The following ANKRD17 variants were observed in gnomAD, a reference collection of about 807,000 sequenced individuals.
ANKRD17 encodes the protein ankyrin repeat domain 17, also known as ankyrin repeat domain-containing protein 17.
A neutral mutation model predicts 229.7 loss-of-function variants in ANKRD17; 19 were observed. That is an observed-to-expected ratio of 0.08 (90% CI 0.06 to 0.12). ANKRD17 has a LOEUF of 0.12. Ranked by LOEUF, ANKRD17 falls within the 10% of genes least tolerant of loss-of-function variation. The probability of loss-of-function intolerance (pLI) is 1.00; values close to 1 mark genes in which losing one functional copy is unlikely to be tolerated. For synonymous variants in ANKRD17, 1,112 were observed against 1,146.1 expected (o/e 0.97, Z 0.60); for missense variants, 2,176 against 3,176.8 (o/e 0.68, Z 7.57).
At chr4:73,136,000 T>A (rs1302376884) in intron 15 of ANKRD17, among the ~76,000 whole-genome samples, 1 of 152,150 alleles carries the variant, frequency 6.6e-6, no homozygotes, top group Non-Finnish European at 1.5e-5. Context: ...CAAATATGGA[T>A]TACTATTATT....
intron 20 of ANKRD17, 109 bp from the exon 21 acceptor site, chr4:73,120,446 T>G (rs1726565033): frequency 5.0e-6 from 5 of 999,526 alleles, no homozygotes; most frequent in Non-Finnish European, 7.2e-6. Flanking sequence ...GTTACCAAGA[T>G]TCACAACTAA....
chr4:73,081,266 A>T (rs980156046), intron 30 of ANKRD17, among the ~76,000 whole-genome samples: 1 of 152,238 alleles, frequency 6.6e-6, no homozygotes, highest in African/African-American at 2.4e-5. Flanking sequence ...TGCATATACA[A>T]GGTAAGATTA....
intron 6 of ANKRD17, among the ~76,000 whole-genome samples, chr4:73,153,350 T>A (rs1731250756): frequency 2.0e-5 from 3 of 152,204 alleles, no homozygotes; most frequent in Non-Finnish European, 4.4e-5. Context: ...ATTTACTTTC[T>A]TAAAAAGTAA....
chr4:73,133,388 TG>T (rs1445596473), intron 16 of ANKRD17, among the ~76,000 whole-genome samples: 1 of 125,658 alleles, frequency 8.0e-6, no homozygotes, highest in Non-Finnish European at 1.7e-5. Flanking sequence ...GAATGTCTCG[TG>T]TTTTTTTTTT....
At chr4:73,082,194 G>A (rs931314342) in intron 30 of ANKRD17, among the ~76,000 whole-genome samples, 1 of 151,298 alleles carries the variant, frequency 6.6e-6, no homozygotes, top group Non-Finnish European at 1.5e-5. Flanking sequence ...AAGCGTGGTG[G>A]CTCACATCTG....
intron 33 of ANKRD17, 103 bp downstream of exon 33, chr4:73,076,837 T>C: frequency 7.3e-7 from 1 of 1,364,296 alleles, no homozygotes; most frequent in East Asian, 2.4e-5. Flanking sequence ...CAACTGCCCA[T>C]ATTCACCAAA....
In ANKRD17 at chr4:73,078,680, C is replaced by T; in HGVS notation, c.7370G>A (p.Ser2457Asn). 6.2e-7 allele frequency: 1 copy of T among 1,614,228 alleles called. No individual in the cohort carries two copies. Among genetic ancestry groups the T allele is most frequent in the Non-Finnish European group, 8.5e-7 (1 of 1,180,042 alleles). ...AATCCCTTCAAAGGACCAGATGCCA[C>T]TATGTCCTACTGATGTAGACAAATT... ...GSNLSTSVGH[S>N]GIWSFEGIGG... Residue 2457 changes from serine (S) to asparagine (N), a missense_variant, in exon 31 of 34, where the codon AGT (serine) becomes AAT (asparagine). By Grantham distance (46) the Ser-to-Asn change is conservative. Coordinates refer to ENST00000358602, the MANE Select transcript of ANKRD17 (RefSeq NM_032217.5).
intron 18 of ANKRD17, among the ~76,000 whole-genome samples, 156 bp from the exon 19 acceptor site, chr4:73,121,915 G>A (rs1186897377): frequency 6.6e-6 from 1 of 152,118 alleles, no homozygotes. Flanking sequence ...ATGATAGCAG[G>A]AGGTCTTAGA....
intron 16 of ANKRD17, among the ~76,000 whole-genome samples, 185 bp from the exon 17 acceptor site, chr4:73,125,497 G>T (rs1252677901): frequency 6.6e-6 from 1 of 152,050 alleles, no homozygotes; most frequent in Non-Finnish European, 1.5e-5. Flanking sequence ...CACTTTGAGA[G>T]GCCGAGGTGG....
intron 1 of ANKRD17, among the ~76,000 whole-genome samples, chr4:73,236,802 A>T (rs1743553896): frequency 6.6e-6 from 1 of 152,102 alleles, no homozygotes; most frequent in South Asian, 2.1e-4. Context: ...CTTTAGAAAA[A>T]CTCTGTTAAA....
At chr4:73,174,715 T>C (rs951549439) in intron 2 of ANKRD17, among the ~76,000 whole-genome samples, 4 of 152,118 alleles carry the variant, frequency 2.6e-5, no homozygotes, top group Admixed American at 2.6e-4. Flanking sequence ...AACTGATAAA[T>C]TCAGCAAAGT....
At chr4:73,082,702 G>A (rs750139458) in intron 30 of ANKRD17, among the ~76,000 whole-genome samples, 3 of 152,140 alleles carry the variant, frequency 2.0e-5, no homozygotes, top group Admixed American at 6.5e-5. Flanking sequence ...CAAACAACTG[G>A]CTTGTAGTCT....
intron 16 of ANKRD17, among the ~76,000 whole-genome samples, chr4:73,129,987 G>A (rs774151395): frequency 5.9e-5 from 9 of 151,712 alleles, no homozygotes; most frequent in Non-Finnish European, 2.9e-5. Flanking sequence ...GGATGGTCTC[G>A]AACTCCTGAC....
intron 2 of ANKRD17, among the ~76,000 whole-genome samples, chr4:73,168,767 C>T (rs572525481): frequency 1.3e-5 from 2 of 152,272 alleles, no homozygotes; most frequent in South Asian, 2.1e-4. Flanking sequence ...TTTAAATGTA[C>T]GTTTTTTGTG....
intron 13 of ANKRD17, 97 bp downstream of exon 13, chr4:73,142,145 A>C: frequency 7.9e-7 from 1 of 1,263,290 alleles, no homozygotes; most frequent in Admixed American, 3.2e-5. Flanking sequence ...ACTACATATT[A>C]GAACAAAAAA....
chr4:73,147,773 A>G (rs1348298998), intron 8 of ANKRD17, among the ~76,000 whole-genome samples: 2 of 152,090 alleles, frequency 1.3e-5, no homozygotes, highest in Non-Finnish European at 2.9e-5. Context: ...GATGATGATG[A>G]TAATAAAAAT....
chr4:73,107,296 AC>A (rs1355753144), intron 24 of ANKRD17, among the ~76,000 whole-genome samples: 1 of 152,256 alleles, frequency 6.6e-6, no homozygotes, highest in African/African-American at 2.4e-5. Context: ...AGTAATATCA[AC>A]AGCAGAAAGA....
intron 22 of ANKRD17, among the ~76,000 whole-genome samples, chr4:73,116,998 T>C (rs375595421): frequency 6.6e-6 from 1 of 152,070 alleles, no homozygotes; most frequent in African/African-American, 2.4e-5. Flanking sequence ...TGGAAAGATA[T>C]ATGCATGTTA....
chr4:73,107,832 T>C (rs532242790), intron 24 of ANKRD17, among the ~76,000 whole-genome samples: 3 of 152,188 alleles, frequency 2.0e-5, no homozygotes, highest in South Asian at 2.1e-4. Flanking sequence ...GGGAAAGTCA[T>C]TGTCGGGCTC....
Sources: allele counts gnomAD v4.1 joint callset (sites outside exome capture counted in the v4.1 genomes callset), GRCh38; gene constraint gnomAD v4.1.1; transcripts MANE v1.5; gene names NCBI Gene and HGNC (gene_info 2026-07-23, HGNC 2026-07-21).